TRA2B: variants seen among roughly 807,000 people sequenced by gnomAD.
TRA2B encodes the protein transformer 2 beta homolog.
TRA2B carries 14 observed loss-of-function variants against 41.7 expected under a neutral mutation model. The ratio of observed to expected loss-of-function variants is 0.34; its 90% CI spans 0.22 to 0.53. TRA2B has a LOEUF of 0.53. Ranked by LOEUF, TRA2B falls within the 20% of genes least tolerant of loss-of-function variation. The pLI, the probability that TRA2B is intolerant of heterozygous loss-of-function variation, is 0.95. For missense variants in TRA2B, 167 were observed against 396.8 expected (o/e 0.42, Z 4.92); for synonymous variants, 130 against 128.8 (o/e 1.01, Z -0.06).
In TRA2B at chr3:185,917,508, A is replaced by G. The variant is rs1743544644; in HGVS notation, c.*207T>C. 4.0e-6 allele frequency: 2 copies of G among 502,536 alleles called. No homozygotes were observed. The highest frequency in any genetic ancestry group is 7.1e-6 in the Non-Finnish European group (2 of 281,270). The allele number at this position is 502,536 out of a possible 1,614,324, so 31.1% of individuals were successfully genotyped here. A position where few individuals can be genotyped will look rare whatever the true frequency, so the allele number is the denominator to read the frequency against. ...ATACATGCAAAACATACTTTTCTGA[A>G]AACACTTAACTTGGAACAAAGCACC... On this transcript the variant is annotated 3_prime_UTR_variant, in exon 9 of 9. Coordinates refer to ENST00000453386, the MANE Select transcript of TRA2B (RefSeq NM_004593.3).
At chr3:185,928,081 TG>T (rs1700243275) in intron 1 of TRA2B, 1 of 152,218 alleles carries the variant, frequency 6.6e-6, no homozygotes, top group South Asian at 2.1e-4. Flanking sequence ...TGGACATTCT[TG>T]AAAGGACAGT....
At chr3:185,935,261 TG>T (rs1464512969) in intron 1 of TRA2B, 1 of 985,312 alleles carries the variant, frequency 1.0e-6, no homozygotes, top group Non-Finnish European at 1.2e-6. Context: ...ATCTTACTTT[TG>T]AAAGTGGTTT....
In TRA2B at chr3:185,917,516, A is replaced by C; in HGVS notation, c.*199T>G. 1 of 518,248 alleles carries C rather than the reference A, an allele frequency of 1.9e-6. No individual in the cohort carries two copies. Among genetic ancestry groups the C allele is most frequent in the East Asian group, 3.3e-5 (1 of 30,732 alleles). The allele number at this position is 518,248 out of a possible 1,614,324, so 32.1% of individuals were successfully genotyped here. A position where few individuals can be genotyped will look rare whatever the true frequency, so the allele number is the denominator to read the frequency against. Reference sequence around the variant, plus strand: ...AAAACATACTTTTCTGAAAACACTTAACTTGGAACAAAGCACCAAACTACA... The same window carrying C: ...AAAACATACTTTTCTGAAAACACTTCACTTGGAACAAAGCACCAAACTACA... On this transcript the variant is annotated 3_prime_UTR_variant, in exon 9 of 9. Transcript: ENST00000453386.
At chr3:185,937,299 T>G in intron 1 of TRA2B, 1 of 987,454 alleles carries the variant, frequency 1.0e-6, no homozygotes. Flanking sequence ...AGACGGTCCT[T>G]CGTTAACCTA....
intron 1 of TRA2B, chr3:185,936,962 G>T: frequency 1.0e-5 from 10 of 985,328 alleles, no homozygotes; most frequent in Non-Finnish European, 1.2e-5. Context: ...ACACGCTGTG[G>T]TTCTAAGTAT....
intron 3 of TRA2B, 118 bp from the exon 4 acceptor site, chr3:185,924,102 A>C (rs6802503): frequency 0.17 from 135,689 of 803,310 alleles, 13,078 homozygotes; most frequent in Non-Finnish European, 0.21. Flanking sequence ...TAATGATTAG[A>C]CCAAACACTG....
intron 3 of TRA2B, chr3:185,924,465 A>C (rs367624746): frequency 3.2e-5 from 5 of 154,014 alleles, no homozygotes; most frequent in African/African-American, 1.2e-4. Context: ...ACGAAGCCTG[A>C]GGGGATGCGT....
chr3:185,934,052 A>G (rs185367076), intron 1 of TRA2B, among the ~76,000 whole-genome samples: 1 of 152,134 alleles, frequency 6.6e-6, no homozygotes, highest in African/African-American at 2.4e-5. Flanking sequence ...ACAGTGAAGA[A>G]CTTCTTTTGG....
intron 1 of TRA2B, among the ~76,000 whole-genome samples, chr3:185,933,572 T>C (rs910811937): frequency 2.0e-5 from 3 of 152,066 alleles, no homozygotes; most frequent in African/African-American, 7.2e-5. Flanking sequence ...ATTTTAAAAA[T>C]TGGGAGGGAC....
intron 1 of TRA2B, chr3:185,928,722 G>A (rs1424065747): frequency 6.6e-6 from 1 of 152,176 alleles, no homozygotes; most frequent in African/African-American, 2.4e-5. Context: ...ATTTTCTCCA[G>A]AAGTGAAAGC....
chr3:185,918,185 T>C (rs1743576801), intron 8 of TRA2B, among the ~76,000 whole-genome samples, 180 bp downstream of exon 8: 1 of 152,178 alleles, frequency 6.6e-6, no homozygotes, highest in Admixed American at 6.5e-5. Context: ...TCTTAAAAAA[T>C]AATAGGATTC....
intron 1 of TRA2B, chr3:185,931,597 T>G (rs1031439069): frequency 2.4e-6 from 3 of 1,272,354 alleles, no homozygotes; most frequent in African/African-American, 1.5e-5. Context: ...GCTTTCTGAT[T>G]CCAGATTACT....
chr3:185,922,329 A>C (rs1743774242), intron 4 of TRA2B: 2 of 412,036 alleles, frequency 4.9e-6, no homozygotes, highest in African/African-American at 4.1e-5. Context: ...AAAAACTTGA[A>C]ACAATTATTT....
At chr3:185,937,129 C>G (rs1007192994) in intron 1 of TRA2B, 3 of 985,366 alleles carry the variant, frequency 3.0e-6, no homozygotes, top group Non-Finnish European at 1.2e-6. Context: ...GCCTGGGAAG[C>G]CCTTTCGGCA....
At chr3:185,936,582 T>C in intron 1 of TRA2B, 1 of 985,264 alleles carries the variant, frequency 1.0e-6, no homozygotes, top group African/African-American at 1.7e-5. Flanking sequence ...TAATCAAAAG[T>C]TTGCTAAGAC....
rs1578491732 is a variant in TRA2B at position 185,937,488 on chromosome 3, A to G, written c.36+337T>C. On this transcript the variant is annotated intron_variant, in intron 1 of 8. Transcript: ENST00000453386. ...CAAGATGGCTGCGGCGGACCTTCGC[A>G]GGAGAGCAACGCCGAAATAAGATAT... The G allele has an allele frequency of 2.8e-6, 3 of 1,083,470 alleles. No individual in the cohort carries two copies. The African/African-American group carries it at 4.9e-5, about 18-fold the overall frequency. The allele number at this position is 1,083,470 out of a possible 1,614,324, so 67.1% of individuals were successfully genotyped here.
At chr3:185,936,897 C>G in intron 1 of TRA2B, 1 of 985,360 alleles carries the variant, frequency 1.0e-6, no homozygotes, top group Non-Finnish European at 1.2e-6. Context: ...TCAATCAACC[C>G]TCACTGAACA....
At chr3:185,935,700 T>C in intron 1 of TRA2B, 2 of 985,464 alleles carry the variant, frequency 2.0e-6, no homozygotes, top group Non-Finnish European at 2.4e-6. Flanking sequence ...ATGTCTAAGA[T>C]CAAGCTGTTC....
intron 1 of TRA2B, among the ~76,000 whole-genome samples, chr3:185,933,253 C>T (rs1354531978): frequency 1.1e-4 from 16 of 152,156 alleles, no homozygotes; most frequent in Non-Finnish European, 1.5e-5. Flanking sequence ...TGGATACCTT[C>T]CTGCTGTTAC....
Sources: allele counts gnomAD v4.1 joint callset (sites outside exome capture counted in the v4.1 genomes callset), GRCh38; gene constraint gnomAD v4.1.1; transcripts MANE v1.5; gene names NCBI Gene and HGNC (gene_info 2026-07-23, HGNC 2026-07-21).